NRG1: variants seen among roughly 807,000 people sequenced by gnomAD.
NRG1 encodes the protein pro-neuregulin-1, membrane-bound isoform.
NRG1 carries 18 observed loss-of-function variants against 63.8 expected under a neutral mutation model. The observed-to-expected ratio is 0.28, with a 90% CI of 0.19 to 0.42. The LOEUF is 0.42. Ranked by LOEUF, NRG1 falls within the 10% of genes least tolerant of loss-of-function variation. The probability of loss-of-function intolerance (pLI) is 1.00; values close to 1 mark genes in which losing one functional copy is unlikely to be tolerated. For missense variants in NRG1, 762 were observed against 814.7 expected (o/e 0.94, Z 0.79); for synonymous variants, 302 against 301.3 (o/e 1.00, Z -0.02).
At chr8:32,308,741 C>G (rs1856498615) in intron 1 of NRG1, among the ~76,000 whole-genome samples, 1 of 152,164 alleles carries the variant, frequency 6.6e-6, no homozygotes, top group South Asian at 2.1e-4. Flanking sequence ...AAGCCATTCT[C>G]TTATAGACAT....
At chr8:32,307,768 C>T (rs780565190) in intron 1 of NRG1, among the ~76,000 whole-genome samples, 11 of 152,088 alleles carry the variant, frequency 7.2e-5, no homozygotes, top group Non-Finnish European at 1.6e-4. Flanking sequence ...GTGGTGAAAG[C>T]GGTGAGCATG....
intron 1 of NRG1, among the ~76,000 whole-genome samples, chr8:31,962,014 A>T (rs2129626200): frequency 6.6e-6 from 1 of 152,226 alleles, no homozygotes; most frequent in South Asian, 2.1e-4. Flanking sequence ...ACTTTGGCAG[A>T]TCTTTTTTGG....
intron 5 of NRG1, among the ~76,000 whole-genome samples, chr8:32,671,327 A>G (rs909210958): frequency 1.3e-5 from 2 of 152,068 alleles, no homozygotes; most frequent in Non-Finnish European, 2.9e-5. Context: ...CAGGATTGAC[A>G]TGCTGGGCCT....
intron 1 of NRG1, among the ~76,000 whole-genome samples, chr8:31,795,714 TC>T (rs1329080769): frequency 6.6e-6 from 1 of 152,326 alleles, no homozygotes; most frequent in African/African-American, 2.4e-5. Flanking sequence ...ATTTATTTAT[TC>T]AACAAATATG....
At chr8:32,479,607 G>A (rs1266978675) in intron 1 of NRG1, among the ~76,000 whole-genome samples, 1 of 152,084 alleles carries the variant, frequency 6.6e-6, no homozygotes, top group Non-Finnish European at 1.5e-5. Flanking sequence ...CAAAGGTTTA[G>A]AGCCTCTTAA....
chr8:32,269,802 C>A (rs1035691960), intron 1 of NRG1, among the ~76,000 whole-genome samples: 1 of 152,096 alleles, frequency 6.6e-6, no homozygotes, highest in African/African-American at 2.4e-5. Flanking sequence ...AGCAGGTAGG[C>A]AGAAAACAGA....
chr8:31,983,144 A>G (rs563548287), intron 1 of NRG1, among the ~76,000 whole-genome samples: 1 of 152,254 alleles, frequency 6.6e-6, no homozygotes, highest in South Asian at 2.1e-4. Flanking sequence ...TCTTTCAATG[A>G]TAATGTCATA....
chr8:31,846,887 G>A (rs540925825), intron 1 of NRG1, among the ~76,000 whole-genome samples: 11 of 152,280 alleles, frequency 7.2e-5, no homozygotes, highest in African/African-American at 2.6e-4. Flanking sequence ...TTGACTGCCT[G>A]CCTATTCAGT....
intron 1 of NRG1, among the ~76,000 whole-genome samples, chr8:32,038,027 T>G (rs1819351907): frequency 6.6e-6 from 1 of 152,206 alleles, no homozygotes; most frequent in Admixed American, 6.5e-5. Flanking sequence ...AGCTAGAGTA[T>G]GCAAAAACTC....
intron 5 of NRG1, among the ~76,000 whole-genome samples, chr8:32,653,170 T>C (rs2466053): frequency 0.96 from 145,812 of 151,616 alleles, 70,210 homozygotes; most frequent in East Asian, 1. Flanking sequence ...ATTCAGTGAA[T>C]GTACGCTAAG....
Position 32,403,128 on chromosome 8 carries a change from G to A in NRG1, c.38-192700G>A, listed in dbSNP as rs188307016. Among the ~76,000 whole-genome samples, 47 of 151,816 alleles carry A rather than the reference G, an allele frequency of 3.1e-4. No homozygotes were observed. In the East Asian group the frequency reaches 3.5e-3, roughly 11 times the overall value. On this transcript the variant is annotated intron_variant, in intron 1 of 10. Transcript: ENST00000519301. ...AGCCTGGGCAAGATGGTGAAACGCC[G>A]TCTCTACTAAAAATATAAAAATTAG...
intron 1 of NRG1, among the ~76,000 whole-genome samples, chr8:32,187,412 A>T (rs1263391157): frequency 6.6e-6 from 1 of 152,046 alleles, no homozygotes; most frequent in African/African-American, 2.4e-5. Flanking sequence ...TATTTATCTA[A>T]ATAATTAAGG....
At chr8:31,764,413 G>C (rs1470277385) in intron 1 of NRG1, among the ~76,000 whole-genome samples, 1 of 151,994 alleles carries the variant, frequency 6.6e-6, no homozygotes, top group African/African-American at 2.4e-5. Context: ...CCCATTCCCT[G>C]CTTAGCCCCT....
chr8:32,655,224 T>C (rs896361822), intron 5 of NRG1, among the ~76,000 whole-genome samples: 1 of 152,122 alleles, frequency 6.6e-6, no homozygotes, highest in Non-Finnish European at 1.5e-5. Context: ...AGAATACATT[T>C]TGGGGTTTTA....
At chr8:32,439,410 G>C in intron 1 of NRG1, among the ~76,000 whole-genome samples, 1 of 152,030 alleles carries the variant, frequency 6.6e-6, no homozygotes, top group Middle Eastern at 3.2e-3. Context: ...TGACAGTCTT[G>C]TTTTCTAAAT....
At chr8:32,233,775 G>A (rs1563935008) in intron 1 of NRG1, among the ~76,000 whole-genome samples, 2 of 151,686 alleles carry the variant, frequency 1.3e-5, no homozygotes, top group Admixed American at 6.6e-5. Flanking sequence ...ATGTTGGCCA[G>A]GTTGGCCTCG....
At chr8:31,693,361 A>G (rs1395318144) in intron 1 of NRG1, among the ~76,000 whole-genome samples, 1 of 152,210 alleles carries the variant, frequency 6.6e-6, no homozygotes, top group East Asian at 1.9e-4. Flanking sequence ...AAAGCACACA[A>G]GGCATTAACA....
chr8:31,941,971 A>C (rs1427733866), intron 1 of NRG1, among the ~76,000 whole-genome samples: 6 of 152,160 alleles, frequency 3.9e-5, no homozygotes, highest in Non-Finnish European at 7.4e-5. Flanking sequence ...TGCCAAAAGC[A>C]ATCTACATAT....
At chr8:31,889,085 C>T (rs73671965) in intron 1 of NRG1, among the ~76,000 whole-genome samples, 6 of 152,034 alleles carry the variant, frequency 3.9e-5, no homozygotes, top group African/African-American at 1.2e-4. Flanking sequence ...TGAATATCTA[C>T]CTTCACTTTA....
Sources: allele counts gnomAD v4.1 joint callset (sites outside exome capture counted in the v4.1 genomes callset), GRCh38; gene constraint gnomAD v4.1.1; transcripts MANE v1.5; gene names NCBI Gene and HGNC (gene_info 2026-07-23, HGNC 2026-07-21).